The following CACNG3 variants were observed in gnomAD, a reference collection of about 807,000 sequenced individuals.
CACNG3 encodes the protein voltage-dependent calcium channel gamma-3 subunit.
In CACNG3, 3 loss-of-function variants were observed where a neutral mutation model predicts 28.5. The observed-to-expected ratio is 0.11, with a 90% CI of 0.05 to 0.27. The LOEUF (loss-of-function observed/expected upper bound fraction) is 0.27, where lower values mean the gene tolerates loss of function less well. Ranked by LOEUF, CACNG3 falls within the 10% of genes least tolerant of loss-of-function variation. CACNG3 has a pLI of 1.00. For synonymous variants in CACNG3, 174 were observed against 162.2 expected (o/e 1.07, Z -0.55); for missense variants, 236 against 414.4 (o/e 0.57, Z 3.74).
chr16:24,311,511 A>G (rs913014847), intron 1 of CACNG3, among the ~76,000 whole-genome samples: 1 of 150,554 alleles, frequency 6.6e-6, no homozygotes, highest in Non-Finnish European at 1.5e-5. Context: ...TACATTTCAA[A>G]AAAAAAAAAA....
In CACNG3 at chr16:24,332,628, G is replaced by A. The variant is rs568828268; in HGVS notation, c.212-14106G>A. Among the ~76,000 whole-genome samples, 12 of 152,122 alleles carry A rather than the reference G, an allele frequency of 7.9e-5. No homozygotes were observed. In the South Asian group the frequency reaches 2.3e-3, roughly 29 times the overall value. ...ACCCTAAGTGCTTCATCTTGATCAG[G>A]GGCCAAGCTCAGCTCAGGGTCCTTG... On this transcript the variant is annotated intron_variant, in intron 1 of 3. Transcript: ENST00000005284.
At chr16:24,287,556 T>TGTA (rs1433502078) in intron 1 of CACNG3, among the ~76,000 whole-genome samples, 40 of 126,674 alleles carry the variant, frequency 3.2e-4, no homozygotes, top group Non-Finnish European at 8.6e-5. Context: ...AAAAAAAAAA[T>TGTA]GTAGACTCTG....
intron 1 of CACNG3, among the ~76,000 whole-genome samples, chr16:24,296,455 A>G (rs888330678): frequency 4.6e-5 from 7 of 152,220 alleles, no homozygotes; most frequent in Non-Finnish European, 1.0e-4. Flanking sequence ...TTAGAGCTGC[A>G]AAGAAGCTGC....
intron 1 of CACNG3, among the ~76,000 whole-genome samples, chr16:24,276,336 G>T (rs934409604): frequency 1.3e-5 from 2 of 152,030 alleles, no homozygotes; most frequent in Non-Finnish European, 2.9e-5. Context: ...TTTTAGGGGG[G>T]TTTTAATTTC....
At chr16:24,267,005 C>T (rs1176580691) in intron 1 of CACNG3, among the ~76,000 whole-genome samples, 20 of 146,346 alleles carry the variant, frequency 1.4e-4, no homozygotes, top group South Asian at 8.7e-4. Flanking sequence ...CTCGCTCTAT[C>T]GCCCAGGCTG....
At chr16:24,299,577 T>A in intron 1 of CACNG3, among the ~76,000 whole-genome samples, 1 of 152,202 alleles carries the variant, frequency 6.6e-6, no homozygotes, top group East Asian at 1.9e-4. Flanking sequence ...CCTGTCAATG[T>A]AAAGAGCTTG....
rs114819436 is a variant in CACNG3 at position 24,318,161 on chromosome 16, G to A, written c.212-28573G>A. Among the ~76,000 whole-genome samples, 540 of 152,142 alleles carry A rather than the reference G, an allele frequency of 3.5e-3. 3 individuals are homozygous for A. Among genetic ancestry groups the A allele is most frequent in the African/African-American group, 0.013 (521 of 41,488 alleles). On this transcript the variant is annotated intron_variant, in intron 1 of 3. Coordinates refer to ENST00000005284, the MANE Select transcript of CACNG3 (RefSeq NM_006539.4). ...TAGAGCTGGGTATGGTGCTTAACAC[G>A]TAGGAGGCACTCAGTATATCCTTTT...
intron 1 of CACNG3, among the ~76,000 whole-genome samples, chr16:24,320,577 T>A (rs1899443020): frequency 6.6e-6 from 1 of 152,186 alleles, no homozygotes; most frequent in South Asian, 2.1e-4. Flanking sequence ...ATTAATACAG[T>A]ATTAGGACTA....
intron 3 of CACNG3, among the ~76,000 whole-genome samples, chr16:24,357,532 G>T (rs148940832): frequency 2.4e-4 from 36 of 152,300 alleles, no homozygotes; most frequent in Admixed American, 1.0e-3. Flanking sequence ...TGCTTCGCCG[G>T]CTGTGAGATG....
chr16:24,357,802 T>C (rs910029101), intron 3 of CACNG3, among the ~76,000 whole-genome samples: 4 of 152,256 alleles, frequency 2.6e-5, no homozygotes, highest in Admixed American at 1.3e-4. Flanking sequence ...AGTGTCATGC[T>C]GATGTGAGAG....
In CACNG3 at chr16:24,362,061, C is replaced by A; in HGVS notation, c.*198C>A. ...CTCCATCCTCTCTAACTTTTCAAGCCAATCCCTTAATGTCATTCCTCTCTC... is the reference window on the plus strand; with the variant it reads ...CTCCATCCTCTCTAACTTTTCAAGCAAATCCCTTAATGTCATTCCTCTCTC... On this transcript the variant is annotated 3_prime_UTR_variant, in exon 4 of 4. Transcript: ENST00000005284. 1.9e-6 allele frequency: 1 copy of A among 530,746 alleles called. No homozygotes were observed. Among genetic ancestry groups the A allele is most frequent in the Non-Finnish European group, 3.3e-6 (1 of 305,286 alleles). 32.9% of individuals were successfully genotyped at this position (530,746 alleles called of 1,614,324 possible).
chr16:24,274,480 T>G (rs1000545951), intron 1 of CACNG3, among the ~76,000 whole-genome samples: 5 of 152,234 alleles, frequency 3.3e-5, no homozygotes, highest in Non-Finnish European at 7.3e-5. Context: ...TCTACTCATC[T>G]GCATTGCTCC....
chr16:24,284,283 C>T (rs1898866446), intron 1 of CACNG3, among the ~76,000 whole-genome samples: 1 of 152,118 alleles, frequency 6.6e-6, no homozygotes, highest in African/African-American at 2.4e-5. Flanking sequence ...ATTTTCTATG[C>T]TCTGAAATAG....
At position 24,361,630 on chromosome 16, in the gene CACNG3, T is replaced by A; in HGVS notation, c.715T>A (p.Ser239Thr). Reference protein sequence around the residue: ...YRFRRRSSSRSTEPRSRDLSP... With the variant: ...YRFRRRSSSRTTEPRSRDLSP... ...ATTCCGGAGGCGGTCAAGTTCTCGC[T>A]CCACCGAGCCCAGATCCCGAGACCT... Residue 239 changes from serine to threonine, a missense_variant, in exon 4 of 4, where the codon TCC becomes ACC. This residue lies in a region of CACNG3 where 116 missense variants were observed against 151.0 expected (regional missense o/e 0.77). Transcript: ENST00000005284. This position sits in a 1 kb window ranked among gnomAD's most constrained non-coding sequence, Gnocchi z 6.8. The A allele has an allele frequency of 6.2e-7, 1 of 1,613,384 alleles. No individual in the cohort carries two copies.
chr16:24,323,460 G>T (rs368604696), intron 1 of CACNG3, among the ~76,000 whole-genome samples: 1 of 152,064 alleles, frequency 6.6e-6, no homozygotes, highest in Non-Finnish European at 1.5e-5. Flanking sequence ...GCAGTCTTTT[G>T]AGGATAGCAG....
intron 2 of CACNG3, among the ~76,000 whole-genome samples, chr16:24,352,180 T>C (rs373745822): frequency 7.2e-5 from 11 of 151,844 alleles, no homozygotes; most frequent in East Asian, 5.8e-4. Context: ...GAAAGTGCAG[T>C]ACCAAATGAA....
intron 1 of CACNG3, among the ~76,000 whole-genome samples, chr16:24,298,160 AT>A (rs2141358632): frequency 6.6e-6 from 1 of 152,274 alleles, no homozygotes; most frequent in South Asian, 2.1e-4. Flanking sequence ...AAGTAAGTAT[AT>A]TTACATTTTC....
chr16:24,279,303 A>C (rs1898790420), intron 1 of CACNG3, among the ~76,000 whole-genome samples: 2 of 151,920 alleles, frequency 1.3e-5, no homozygotes, highest in Non-Finnish European at 2.9e-5. Context: ...TTTTATTTTT[A>C]TTTTTCTTGA....
intron 1 of CACNG3, among the ~76,000 whole-genome samples, chr16:24,325,561 G>C (rs112945208): frequency 1.3e-5 from 2 of 152,356 alleles, no homozygotes; most frequent in African/African-American, 4.8e-5. Flanking sequence ...CGAGCTCTGC[G>C]GCTGGGAGAA....
Sources: gnomAD v4.1 joint callset for allele counts (sites outside exome capture counted in the v4.1 genomes callset) on GRCh38, gnomAD v4.1.1 for gene constraint, gnomAD v4.1.1 regional missense constraint, Gnocchi (gnomAD v3.1) non-coding constraint, MANE v1.5 for transcripts, NCBI Gene and HGNC (gene_info 2026-07-23, HGNC 2026-07-21) for gene names.